The following PDE1C variants were observed in gnomAD, a reference collection of about 807,000 sequenced individuals.
PDE1C encodes the protein dual specificity calcium/calmodulin-dependent 3',5'-cyclic nucleotide phosphodiesterase 1C.
PDE1C carries 62 observed loss-of-function variants against 93.1 expected under a neutral mutation model. The ratio of observed to expected loss-of-function variants is 0.67; its 90% CI spans 0.54 to 0.82. The LOEUF (loss-of-function observed/expected upper bound fraction) is 0.82. PDE1C is among the 40% of genes least tolerant of loss of function. The pLI is 0.00. For synonymous variants in PDE1C, 325 were observed against 310.1 expected (o/e 1.05, Z -0.50); for missense variants, 742 against 884.6 (o/e 0.84, Z 2.04).
chr7:31,642,092 G>A, the PDE1C span: 1 of 848,922 alleles, frequency 1.2e-6, no homozygotes, highest in Non-Finnish European at 1.8e-6. Context: ...TCCATGGTGT[G>A]TCAGGCACCT....
intron 1 of PDE1C, among the ~76,000 whole-genome samples, chr7:32,389,678 T>A (rs1347503236): frequency 6.6e-6 from 1 of 152,238 alleles, no homozygotes; most frequent in African/African-American, 2.4e-5. Flanking sequence ...GAAATCTGAA[T>A]TTTGTCTGTA....
chr7:32,353,480 C>T, intron 1 of PDE1C, among the ~76,000 whole-genome samples: 1 of 9,176 alleles, frequency 1.1e-4, no homozygotes, highest in Non-Finnish European at 1.9e-3. Context: ...CTATTTGATT[C>T]TTCTCTCTTT....
chr7:32,096,342 G>C (rs1382914125), intron 3 of PDE1C, among the ~76,000 whole-genome samples: 1 of 152,222 alleles, frequency 6.6e-6, no homozygotes, highest in Non-Finnish European at 1.5e-5. Flanking sequence ...GCCCACGTCA[G>C]AGGGTGAAGT....
At chr7:31,796,864 CA>C (rs963771909) in intron 16 of PDE1C, among the ~76,000 whole-genome samples, 1 of 151,494 alleles carries the variant, frequency 6.6e-6, no homozygotes, top group Admixed American at 6.6e-5. Flanking sequence ...AATGTTTAAT[CA>C]AAAAAACCTT....
At chr7:32,093,316 G>A (rs1584749308) in intron 3 of PDE1C, among the ~76,000 whole-genome samples, 1 of 152,274 alleles carries the variant, frequency 6.6e-6, no homozygotes, top group South Asian at 2.1e-4. Flanking sequence ...CCCCACACCA[G>A]GATCACCTCT....
the PDE1C span, among the ~76,000 whole-genome samples, chr7:31,648,366 ACT>A: frequency 6.6e-6 from 1 of 151,882 alleles, no homozygotes; most frequent in African/African-American, 2.4e-5. Flanking sequence ...TGTTCAAAAC[ACT>A]CTATTTTTGA....
rs71559224 is a variant in PDE1C at position 32,358,897 on chromosome 7, C to CTGTG, written c.310+68921_310+68924dup. 5.4e-3 allele frequency among the ~76,000 whole-genome samples: 787 copies of CTGTG among 145,398 alleles called. 8 individuals are homozygous for CTGTG. The highest frequency in any genetic ancestry group is 0.018 in the African/African-American group (732 of 39,900). ...CATCTAACATTGTGTGTGTGTGTGTCTGTGTGTGTGTGTGTGTGTAACAGT... is the reference window on the plus strand; with the variant it reads ...CATCTAACATTGTGTGTGTGTGTGTCTGTGTGTGTGTGTGTGTGTGTGTAACAGT... On this transcript the variant is annotated intron_variant, in intron 1 of 1. Transcript: ENST00000672256.
chr7:32,362,055 AG>A (rs1454400564), intron 1 of PDE1C, among the ~76,000 whole-genome samples: 3 of 152,116 alleles, frequency 2.0e-5, no homozygotes, highest in Non-Finnish European at 1.5e-5. Flanking sequence ...GCTACAACAG[AG>A]GGGCCGGAAT....
chr7:32,081,188 A>G (rs1796643036), intron 3 of PDE1C, among the ~76,000 whole-genome samples: 2 of 152,182 alleles, frequency 1.3e-5, no homozygotes, highest in Admixed American at 1.3e-4. Flanking sequence ...TGTTCTCCTC[A>G]ATGGGATTTA....
At chr7:32,077,258 C>CA (rs2128733179) in intron 3 of PDE1C, among the ~76,000 whole-genome samples, 1 of 152,186 alleles carries the variant, frequency 6.6e-6, no homozygotes, top group African/African-American at 2.4e-5. Flanking sequence ...AACAAACAAA[C>CA]AAAAAATCAC....
At chr7:31,666,820 AT>A in the PDE1C span, among the ~76,000 whole-genome samples, 1 of 152,078 alleles carries the variant, frequency 6.6e-6, no homozygotes, top group Non-Finnish European at 1.5e-5. Context: ...TATATTTTGA[AT>A]ACAAGTTCTT....
chr7:31,937,532 C>T (rs1321262725), intron 2 of PDE1C, among the ~76,000 whole-genome samples: 1 of 152,050 alleles, frequency 6.6e-6, no homozygotes, highest in Non-Finnish European at 1.5e-5. Flanking sequence ...GGAACTAGTT[C>T]TTCAGGTTTC....
intron 14 of PDE1C, among the ~76,000 whole-genome samples, chr7:31,819,297 G>A (rs1278604524): frequency 1.3e-5 from 2 of 152,060 alleles, no homozygotes; most frequent in African/African-American, 4.8e-5. Context: ...TAAGAAAAAA[G>A]AAAATATATT....
At chr7:31,628,949 CA>C in the PDE1C span, among the ~76,000 whole-genome samples, 245 of 152,046 alleles carry the variant, frequency 1.6e-3, no homozygotes, top group Middle Eastern at 3.4e-3. Flanking sequence ...AAAACAAAAA[CA>C]AAAAAACATT....
At chr7:32,083,239 G>T (rs1190272750) in intron 3 of PDE1C, among the ~76,000 whole-genome samples, 1 of 151,742 alleles carries the variant, frequency 6.6e-6, no homozygotes, top group Non-Finnish European at 1.5e-5. Flanking sequence ...TCAACTGGAA[G>T]AAAGGGTATC....
chr7:31,687,136 G>A, the PDE1C span: 2 of 152,300 alleles, frequency 1.3e-5, no homozygotes. Context: ...CCTTGCCCTG[G>A]TGCCTGTGAA....
chr7:31,982,306 G>C (rs774582562), intron 2 of PDE1C, among the ~76,000 whole-genome samples: 1 of 152,088 alleles, frequency 6.6e-6, no homozygotes, highest in Non-Finnish European at 1.5e-5. Context: ...GTGTGAACTC[G>C]AAAGAATGAA....
chr7:31,644,515 T>C, the PDE1C span, among the ~76,000 whole-genome samples: 1 of 152,228 alleles, frequency 6.6e-6, no homozygotes, highest in African/African-American at 2.4e-5. Context: ...TAATCAATTT[T>C]TGTGACTGTT....
At chr7:32,202,915 T>C (rs1233234201) in intron 2 of PDE1C, among the ~76,000 whole-genome samples, 1 of 152,140 alleles carries the variant, frequency 6.6e-6, no homozygotes, top group East Asian at 1.9e-4. Context: ...ACAGGGATTA[T>C]GTTGTACAGC....
Sources: gnomAD v4.1 joint callset for allele counts (sites outside exome capture counted in the v4.1 genomes callset) on GRCh38, gnomAD v4.1.1 for gene constraint, MANE v1.5 for transcripts, NCBI Gene and HGNC (gene_info 2026-07-23, HGNC 2026-07-21) for gene names.